KMT2B: variants seen among roughly 807,000 people sequenced by gnomAD.
The protein encoded by KMT2B is lysine methyltransferase 2B.
KMT2B carries 22 observed loss-of-function variants against 255.3 expected under a neutral mutation model. That is an observed-to-expected ratio of 0.09 (90% CI 0.06 to 0.12). The LOEUF is 0.12. KMT2B is among the 10% of genes least tolerant of loss of function. The pLI is 1.00. For synonymous variants in KMT2B, 1,730 were observed against 1,498.1 expected, an observed-to-expected ratio of 1.15 and a Z score of -3.57; for missense variants, 3,149 against 3,737.0, an observed-to-expected ratio of 0.84 and a Z score of 4.10.
At chr19:35,724,109 T>C in intron 8 of KMT2B, 102 bp downstream of exon 8, 1 of 1,183,026 alleles carries the variant, frequency 8.5e-7, no homozygotes, top group Non-Finnish European at 1.2e-6. Context: ...GTCAGTCTGA[T>C]AGAGAAGGTG....
chr19:35,738,235 C>G lies in KMT2B; in HGVS notation c.7872+44C>G, dbSNP rs376922844. On this transcript the variant is annotated intron_variant, in intron 36 of 36. Transcript: ENST00000420124. This position sits in a 1 kb window ranked among gnomAD's most constrained non-coding sequence, Gnocchi z 8.7. Reference sequence around the variant, plus strand: ...TGGGAAGACAGTGGGTGAAGCGAGCCTGTCCGCGGGGACAGAGCACCTGAT... The same window carrying G: ...TGGGAAGACAGTGGGTGAAGCGAGCGTGTCCGCGGGGACAGAGCACCTGAT... 20 of 1,613,540 alleles carry G rather than the reference C, an allele frequency of 1.2e-5. No individual in the cohort carries two copies. Among genetic ancestry groups the G allele is most frequent in the Non-Finnish European group, 1.7e-5 (20 of 1,179,596 alleles).
chr19:35,719,977 A>C lies in KMT2B; in HGVS notation c.630A>C (p.Ala210=). 6.2e-7 allele frequency: 1 copy of C among 1,613,294 alleles called. No homozygotes were observed. The highest frequency in any genetic ancestry group is 8.5e-7 in the Non-Finnish European group (1 of 1,179,792). The change falls in exon 3 of 37, where the codon GCA becomes GCC. Residue 210 remains alanine, a synonymous_variant. Transcript: ENST00000420124. ...CACCCCAAGCACCCCGGAGCCGGGC[A>C]TGTGAGCCCTCCACCCCCCGGCGGT... ...AQAPQAPRSR[A]CEPSTPRRSR... is the part of the protein sequence containing the mutation.
rs568083838 is a variant in KMT2B at position 35,726,362 on chromosome 19, C to G, written c.4003+9C>G. The G allele has an allele frequency of 6.3e-7, 1 of 1,579,454 alleles. No homozygotes were observed. Among genetic ancestry groups the G allele is most frequent in the Middle Eastern group, 1.7e-4 (1 of 6,008 alleles). Reference sequence around the variant, plus strand: ...CCAGCTATATGAGAAAGGTGGGGACCGGGCAGGGGAACTGGATGCTGGGGG... The same window carrying G: ...CCAGCTATATGAGAAAGGTGGGGACGGGGCAGGGGAACTGGATGCTGGGGG... On this transcript the variant is annotated intron_variant, in intron 14 of 36. Coordinates refer to ENST00000420124, the MANE Select transcript of KMT2B (RefSeq NM_014727.3).
chr19:35,718,760 C>T lies in KMT2B; in HGVS notation c.363+379C>T, dbSNP rs1969061731. ...CAGACAGGTTGGAGCTGTCTGGGCTCTTACCTGTGGGCCGCCCCGCCGGGC... is the reference window on the plus strand; with the variant it reads ...CAGACAGGTTGGAGCTGTCTGGGCTTTTACCTGTGGGCCGCCCCGCCGGGC... On this transcript the variant is annotated intron_variant, in intron 1 of 36. Transcript: ENST00000420124. This position sits in a 1 kb window ranked among gnomAD's most constrained non-coding sequence, Gnocchi z 5.0. Among the ~76,000 whole-genome samples the T allele has an allele frequency of 6.6e-6, 1 of 152,044 alleles. No individual in the cohort carries two copies. The highest frequency in any genetic ancestry group is 2.1e-4 in the South Asian group (1 of 4,822).
chr19:35,730,637 A>T (rs1478548625), intron 25 of KMT2B, 21 bp downstream of exon 25: 1 of 1,613,922 alleles, frequency 6.2e-7, no homozygotes, highest in South Asian at 1.1e-5. Context: ...GGGGTGATCC[A>T]TGGGGCCAGG....
chr19:35,722,178 T>C (rs889312185), intron 3 of KMT2B, among the ~76,000 whole-genome samples, 181 bp from the exon 4 acceptor site: 16 of 152,018 alleles, frequency 1.1e-4, no homozygotes, highest in Admixed American at 5.2e-4. Context: ...CTAATTTTTG[T>C]ATTTTTAGTA....
Position 35,732,891 on chromosome 19 carries a change from G to A in KMT2B, c.6342G>A (p.Val2114=), listed in dbSNP as rs751669515. The part of the protein sequence containing the change: ...RPPEDLPSEI[V]DFVLKNLGGP... ...CTGAGGACCTGCCATCGGAAATTGTGGATTTTGTGTTGAAGAACCTAGGGG... is the reference window on the plus strand; with the variant it reads ...CTGAGGACCTGCCATCGGAAATTGTAGATTTTGTGTTGAAGAACCTAGGGG... Residue 2114 remains valine, a synonymous_variant, in exon 28 of 37, where the codon GTG becomes GTA. Coordinates refer to ENST00000420124, the MANE Select transcript of KMT2B (RefSeq NM_014727.3). The A allele has an allele frequency of 1.9e-6, 3 of 1,610,324 alleles. No individual in the cohort carries two copies. In the African/African-American group the frequency reaches 4.0e-5, roughly 22 times the overall value.
chr19:35,737,864 C>T lies in KMT2B; in HGVS notation c.7664C>T (p.Ala2555Val). The part of the protein sequence containing the change: ...DEVQLRSTRR[A>V]TSLELPMAMR... ...ACACTGCTGTCCCTCACCAGACGTG[C>T]CACCAGCCTGGAGCTGCCCATGGCC... is the stretch of plus-strand genomic sequence containing the variant. Residue 2555 changes from alanine to valine, a missense_variant, in exon 35 of 37, where the codon GCC (alanine) becomes GTC (valine). This residue lies in a region of KMT2B where 103 missense variants were observed against 200.7 expected (regional missense o/e 0.51). Coordinates refer to ENST00000420124, the MANE Select transcript of KMT2B (RefSeq NM_014727.3). This position sits in a 1 kb window ranked among gnomAD's most constrained non-coding sequence, Gnocchi z 5.3. 6.4e-7 allele frequency: 1 copy of T among 1,570,934 alleles called. No individual in the cohort carries two copies. The highest frequency in any genetic ancestry group is 8.6e-7 in the Non-Finnish European group (1 of 1,156,968).
Position 35,721,207 on chromosome 19 carries a change from TCCTCCCCCAGCCCCTCCACCTCCC to T in KMT2B, c.1863_1886del (p.Pro622_Pro629del). 1 of 986,192 alleles carries T rather than the reference TCCTCCCCCAGCCCCTCCACCTCCC, an allele frequency of 1.0e-6. No individual in the cohort carries two copies. Among genetic ancestry groups the T allele is most frequent in the Non-Finnish European group, 1.3e-6 (1 of 766,616 alleles). 61.1% of individuals were successfully genotyped at this position (986,192 alleles called of 1,614,324 possible). ...CCTCACTGACCCGGGAGCTGCCCCC[TCCTCCCCCAGCCCCTCCACCTCCC>T]CCGGCCCCCTCCCCACCCCCTGCTC... On this transcript the variant is annotated inframe_deletion, in exon 3 of 37. Transcript: ENST00000420124.
chr19:35,725,391 A>T lies in KMT2B; in HGVS notation c.3642+58A>T. 1.3e-6 allele frequency: 2 copies of T among 1,575,592 alleles called. No individual in the cohort carries two copies. The highest frequency in any genetic ancestry group is 1.1e-5 in the South Asian group (1 of 87,318). ...GCTCTCTGTCGGTCCTCACGGCCTG[A>T]TTCCTTGGGCCCTCTCAGCTGGGTC... On this transcript the variant is annotated intron_variant, in intron 11 of 36. Transcript: ENST00000420124. This position sits in a 1 kb window ranked among gnomAD's most constrained non-coding sequence, Gnocchi z 4.1.
intron 8 of KMT2B, 42 bp from the exon 9 acceptor site, chr19:35,724,595 G>A (rs774712243): frequency 6.2e-5 from 93 of 1,495,576 alleles, no homozygotes; most frequent in South Asian, 8.4e-5. Context: ...GAAGAGGGGC[G>A]TGGAAGGGGA....
At chr19:35,734,316 A>G (rs762477921) in intron 30 of KMT2B, among the ~76,000 whole-genome samples, 4 of 152,066 alleles carry the variant, frequency 2.6e-5, no homozygotes, top group Non-Finnish European at 5.9e-5. Context: ...GCTGCCACAG[A>G]GACTGCCAGG....
rs1397994662 is a variant in KMT2B at position 35,731,935 on chromosome 19, T to C, written c.5465T>C (p.Leu1822Pro). The C allele has an allele frequency of 6.2e-7, 1 of 1,613,734 alleles. No individual in the cohort carries two copies. The highest frequency in any genetic ancestry group is 1.7e-4 in the Middle Eastern group (1 of 6,058). ...CCCCCAGGTGGTGAGGACCCCCCAC[T>C]GGACACAGATGTTCTTGTCCCTGGA... The part of the protein sequence containing the change: ...SEPPGGEDPP[L>P]DTDVLVPGAP... Residue 1822 changes from leucine (L) to proline (P), a missense_variant, in exon 27 of 37, where the codon CTG becomes CCG. Physicochemically the swap from Leu to Pro is moderately conservative, Grantham distance 98. Transcript: ENST00000420124.
At chr19:35,734,210 TGCAGCCCAGCTA>T (rs1969834168) in intron 30 of KMT2B, among the ~76,000 whole-genome samples, 1 of 151,338 alleles carries the variant, frequency 6.6e-6, no homozygotes, top group Non-Finnish European at 1.5e-5. Context: ...CTAGAGGGAA[TGCAGCCCAGCTA>T]GCACCGAGAT....
Position 35,733,829 on chromosome 19 carries a change from T to G in KMT2B, c.7116T>G (p.Gly2372=), listed in dbSNP as rs1439813341. The G allele has an allele frequency of 6.2e-7, 1 of 1,613,440 alleles. No individual in the cohort carries two copies. The highest frequency in any genetic ancestry group is 1.7e-5 in the Admixed American group (1 of 59,986). ...PEDGPPQVPD[G]PPDLLLESQW... ...ATGGTCCTCCCCAGGTCCCCGATGGTCCCCCAGACCTGCTGCTTGAGTCCC... is the reference window on the plus strand; with the variant it reads ...ATGGTCCTCCCCAGGTCCCCGATGGGCCCCCAGACCTGCTGCTTGAGTCCC... Residue 2372 remains glycine, a synonymous_variant, in exon 30 of 37, where the codon GGT becomes GGG. Transcript: ENST00000420124. The surrounding 1 kb of genome is among the most constrained non-coding windows in gnomAD (Gnocchi z 4.3).
chr19:35,733,453 G>T lies in KMT2B; in HGVS notation c.6904G>T (p.Glu2302Ter). The T allele has an allele frequency of 6.4e-7, 1 of 1,560,908 alleles. No homozygotes were observed. ...CCCATACAAAGCCCCCCGGCTGGAT[G>T]AAGATGGAGAGGCCTCAGAGGATAC... ...PPPYKAPRLDEDGEASEDTPQ... is the reference protein window; with the variant it reads ...PPPYKAPRLD The change falls in exon 28 of 37, where the codon GAA becomes TAA. Residue 2302 changes from glutamate to a stop codon, truncating the protein, a stop_gained. Transcript: ENST00000420124. LOFTEE classifies it high-confidence loss of function. This position sits in a 1 kb window ranked among gnomAD's most constrained non-coding sequence, Gnocchi z 4.3.
chr19:35,722,235 C>T (rs939156041), intron 3 of KMT2B, 124 bp from the exon 4 acceptor site: 1 of 986,528 alleles, frequency 1.0e-6, no homozygotes, highest in Non-Finnish European at 1.5e-6. Context: ...GAACTCCTGA[C>T]CTCGTGATCT....
In KMT2B at chr19:35,727,039, G is replaced by A; in HGVS notation, c.4004-117G>A. On this transcript the variant is annotated intron_variant, in intron 14 of 36. Transcript: ENST00000420124. The surrounding 1 kb of genome is among the most constrained non-coding windows in gnomAD (Gnocchi z 4.2). ...TCAAGGAGCTTTTAGGGACTAGTAGGGGCCCAAAACAGGGGCATAGTGGAG... is the reference window on the plus strand; with the variant it reads ...TCAAGGAGCTTTTAGGGACTAGTAGAGGCCCAAAACAGGGGCATAGTGGAG... 1 of 646,224 alleles carries A rather than the reference G, an allele frequency of 1.5e-6. No homozygotes were observed. Among genetic ancestry groups the A allele is most frequent in the Admixed American group, 2.9e-5 (1 of 34,226 alleles). The allele number at this position is 646,224 out of a possible 1,614,324, so 40.0% of individuals were successfully genotyped here.
intron 5 of KMT2B, 92 bp downstream of exon 5, chr19:35,722,810 G>A (rs1297911242): frequency 2.0e-6 from 3 of 1,490,588 alleles, no homozygotes; most frequent in African/African-American, 2.8e-5. Context: ...AGGGAGCCAA[G>A]TCAGGTGCTC....
Sources: allele counts gnomAD v4.1 joint callset (sites outside exome capture counted in the v4.1 genomes callset), GRCh38; gene constraint gnomAD v4.1.1; regional missense constraint gnomAD v4.1.1; non-coding constraint Gnocchi (gnomAD v3.1); transcripts MANE v1.5; gene names NCBI Gene and HGNC (gene_info 2026-07-23, HGNC 2026-07-21).